EBF1: variants seen among roughly 807,000 people sequenced by gnomAD.
The protein encoded by EBF1 is transcription factor COE1.
EBF1 carries 10 observed loss-of-function variants against 68.4 expected under a neutral mutation model. The ratio of observed to expected loss-of-function variants is 0.15; its 90% CI spans 0.09 to 0.25. The LOEUF (loss-of-function observed/expected upper bound fraction) is 0.25. Ranked by LOEUF, EBF1 falls within the 10% of genes least tolerant of loss-of-function variation. The pLI is 1.00. For synonymous variants in EBF1, 298 were observed against 299.8 expected, an observed-to-expected ratio of 0.99 and a Z score of 0.06; for missense variants, 509 against 794.4, an observed-to-expected ratio of 0.64 and a Z score of 4.32.
intron 10 of EBF1, among the ~76,000 whole-genome samples, chr5:158,746,014 C>T (rs1394086033): frequency 6.6e-6 from 1 of 152,144 alleles, no homozygotes; most frequent in Non-Finnish European, 1.5e-5. Context: ...GATAGGATAG[C>T]ACAGTCCATG....
intron 14 of EBF1, among the ~76,000 whole-genome samples, chr5:158,709,044 T>C (rs1445996917): frequency 6.6e-6 from 1 of 152,172 alleles, no homozygotes; most frequent in Non-Finnish European, 1.5e-5. Flanking sequence ...ATGATCCTCT[T>C]GGCCTGGCCT....
At chr5:158,764,981 A>G (rs1772342984) in intron 10 of EBF1, among the ~76,000 whole-genome samples, 1 of 152,164 alleles carries the variant, frequency 6.6e-6, no homozygotes, top group Non-Finnish European at 1.5e-5. Context: ...GAATTGATGA[A>G]TGAGAAAGGC....
At chr5:158,965,538 G>A (rs535770480) in intron 6 of EBF1, among the ~76,000 whole-genome samples, 14 of 152,214 alleles carry the variant, frequency 9.2e-5, no homozygotes, top group Admixed American at 5.2e-4. Context: ...GTTAAATCAC[G>A]GTGATTCACT....
rs1806568114 is a variant in EBF1, at chr5:158,913,919, G to A, written c.555-73809C>T. Among the ~76,000 whole-genome samples the A allele has an allele frequency of 1.1e-4, 16 of 152,358 alleles. 1 individual carries two copies. In the South Asian group the frequency reaches 3.3e-3, roughly 32 times the overall value. ...AAGTCTACTTGAAACCAGGTTAAAT[G>A]AGCAACCAGTTATTCAGTGTGAGTT... On this transcript the variant is annotated intron_variant, in intron 6 of 15. Coordinates refer to ENST00000313708, the MANE Select transcript of EBF1 (RefSeq NM_024007.5).
intron 6 of EBF1, among the ~76,000 whole-genome samples, chr5:158,935,141 T>C (rs1442503667): frequency 1.3e-5 from 2 of 152,238 alleles, no homozygotes; most frequent in African/African-American, 4.8e-5. Context: ...TTGGCCTCAA[T>C]GGAGGTGCTC....
At chr5:159,095,004 A>G (rs1021483967) in intron 4 of EBF1, among the ~76,000 whole-genome samples, 2 of 152,176 alleles carry the variant, frequency 1.3e-5, no homozygotes, top group African/African-American at 2.4e-5. Flanking sequence ...CTTTAAGACC[A>G]CAAGCTCACT....
At chr5:158,775,773 CATGCACACAG>C (rs1307225049) in intron 10 of EBF1, among the ~76,000 whole-genome samples, 52 of 123,482 alleles carry the variant, frequency 4.2e-4, no homozygotes, top group African/African-American at 1.4e-3. Flanking sequence ...CACACACACA[CATGCACACAG>C]ACACACACAC....
intron 6 of EBF1, among the ~76,000 whole-genome samples, chr5:158,861,342 C>T (rs1310209624): frequency 7.2e-6 from 1 of 139,338 alleles, no homozygotes; most frequent in Non-Finnish European, 1.5e-5. Flanking sequence ...AATGTACACT[C>T]AATTTTTAGA....
intron 6 of EBF1, among the ~76,000 whole-genome samples, chr5:158,991,571 T>C (rs2127610609): frequency 6.6e-6 from 1 of 152,310 alleles, no homozygotes; most frequent in East Asian, 1.9e-4. Flanking sequence ...AGAAAATATA[T>C]CAAGCCTGAG....
chr5:158,843,621 C>A (rs1790784192), intron 6 of EBF1, among the ~76,000 whole-genome samples: 1 of 152,172 alleles, frequency 6.6e-6, no homozygotes, highest in South Asian at 2.1e-4. Context: ...TGCCTGAGGC[C>A]TCACACAAGC....
At chr5:158,710,000 A>T (rs1364259762) in intron 14 of EBF1, among the ~76,000 whole-genome samples, 1 of 152,238 alleles carries the variant, frequency 6.6e-6, no homozygotes, top group African/African-American at 2.4e-5. Context: ...TCCATTTGTT[A>T]TAACATTATT....
chr5:158,894,694 C>A (rs190697517), intron 6 of EBF1, among the ~76,000 whole-genome samples: 1 of 152,142 alleles, frequency 6.6e-6, no homozygotes, highest in Non-Finnish European at 1.5e-5. Flanking sequence ...AGGAACTTGG[C>A]CATTTACTGT....
intron 7 of EBF1, among the ~76,000 whole-genome samples, chr5:158,832,399 C>T (rs185280688): frequency 2.0e-5 from 3 of 152,276 alleles, no homozygotes; most frequent in Non-Finnish European, 2.9e-5. Context: ...TTGTATTTAC[C>T]ATGTTATGTG....
intron 5 of EBF1, among the ~76,000 whole-genome samples, chr5:159,074,619 T>G (rs1443548814): frequency 6.6e-6 from 1 of 152,228 alleles, no homozygotes; most frequent in East Asian, 1.9e-4. Flanking sequence ...CCCAGAAATA[T>G]ACTCCTGCGT....
intron 6 of EBF1, among the ~76,000 whole-genome samples, chr5:159,022,693 A>G (rs1392598455): frequency 6.6e-6 from 1 of 152,168 alleles, no homozygotes; most frequent in Non-Finnish European, 1.5e-5. Context: ...CTGAAAAAGG[A>G]GTCTTTTTTT....
chr5:159,045,456 G>A (rs1046785956), intron 6 of EBF1, among the ~76,000 whole-genome samples: 2 of 150,216 alleles, frequency 1.3e-5, no homozygotes, highest in East Asian at 1.9e-4. Context: ...AAGAATCCTT[G>A]TCGTATTGGA....
In EBF1 at chr5:158,909,956, T is replaced by TTAAAAAAA. The variant is rs772406186; in HGVS notation, c.555-69847_555-69846insTTTTTTTA. ...TGGTGACAGAACGAGACTCTGTCTA[T>TTAAAAAAA]AAAAAAAAAAAAAAAAAAAAAAAAA... On this transcript the variant is annotated intron_variant, in intron 6 of 15. Transcript: ENST00000313708. 1.7e-3 allele frequency among the ~76,000 whole-genome samples: 81 copies of TTAAAAAAA among 46,726 alleles called. 7 individuals carry two copies. The highest frequency in any genetic ancestry group is 6.0e-3 in the African/African-American group (81 of 13,608). 30.7% of individuals were successfully genotyped at this position (46,726 alleles called of 152,430 possible).
At chr5:158,816,758 T>C (rs1212973551) in intron 8 of EBF1, among the ~76,000 whole-genome samples, 2 of 151,948 alleles carry the variant, frequency 1.3e-5, no homozygotes, top group Non-Finnish European at 2.9e-5. Flanking sequence ...TCTAAGCCAC[T>C]TACGAAAAAC....
At chr5:159,030,248 C>T (rs1014390290) in intron 6 of EBF1, among the ~76,000 whole-genome samples, 6 of 151,734 alleles carry the variant, frequency 4.0e-5, no homozygotes, top group Non-Finnish European at 8.8e-5. Context: ...ATTATGGGGT[C>T]TTTCCTTTTT....
Sources: allele counts gnomAD v4.1 joint callset (sites outside exome capture counted in the v4.1 genomes callset), GRCh38; gene constraint gnomAD v4.1.1; transcripts MANE v1.5; gene names NCBI Gene and HGNC (gene_info 2026-07-23, HGNC 2026-07-21).